Variants in PCDHGB2 observed in about 807,000 individuals in gnomAD.
PCDHGB2 encodes protocadherin gamma-B2.
In PCDHGB2, 55 loss-of-function variants were observed where a neutral mutation model predicts 59.3. That is an observed-to-expected ratio of 0.93 (90% confidence interval 0.75 to 1.16). The LOEUF is 1.16. Among genes scored for constraint, PCDHGB2 ranks in the 50% most tolerant of loss-of-function variants. The pLI, the probability that PCDHGB2 is intolerant of heterozygous loss-of-function variation, is 0.00. For missense variants in PCDHGB2, 1,228 were observed against 1,198.5 expected (o/e 1.02, Z -0.36); for synonymous variants, 516 against 512.0 (o/e 1.01, Z -0.11).
At position 141,432,871 on chromosome 5, in the gene PCDHGB2, C is replaced by T. The variant is rs1190891661; in HGVS notation, c.2422-61936C>T. On this transcript the variant is annotated intron_variant, in intron 1 of 3. Transcript: ENST00000522605. This position sits in a 1 kb window ranked among gnomAD's most constrained non-coding sequence, Gnocchi z 6.0. ...CGGTGGCCGCGGTCTCCTGCGTCTT[C>T]CTGGCCTTCGTCATCTTGCTGCTGG... 1 of 1,614,216 alleles carries T rather than the reference C, an allele frequency of 6.2e-7. No homozygotes were observed. Among genetic ancestry groups the T allele is most frequent in the Non-Finnish European group, 8.5e-7 (1 of 1,180,018 alleles).
chr5:141,451,009 T>C (rs1437016950), intron 1 of PCDHGB2, among the ~76,000 whole-genome samples: 1 of 151,566 alleles, frequency 6.6e-6, no homozygotes, highest in East Asian at 1.9e-4. Context: ...GTATTTTTTT[T>C]AGTAGAGACG....
At chr5:141,389,235 TCA>T (rs2091656158) in intron 1 of PCDHGB2, 4 of 1,614,080 alleles carry the variant, frequency 2.5e-6, no homozygotes, top group Non-Finnish European at 2.5e-6. Flanking sequence ...TCCGGTTTTC[TCA>T]CAGTCTTCCT....
At position 141,457,403 on chromosome 5, in the gene PCDHGB2, C is replaced by A. The variant is rs550748216; in HGVS notation, c.2422-37404C>A. On this transcript the variant is annotated intron_variant, in intron 1 of 3. Transcript: ENST00000522605. ...GAACTAGCATATTGATTCACATTTT[C>A]ACATTACCCATCCCTTTTTCCCCCC... Among the ~76,000 whole-genome samples, 4 of 152,328 alleles carry A rather than the reference C, an allele frequency of 2.6e-5. No homozygotes were observed. In the East Asian group the frequency reaches 7.7e-4, roughly 29 times the overall value.
intron 1 of PCDHGB2, among the ~76,000 whole-genome samples, chr5:141,450,047 C>T (rs2098667027): frequency 2.2e-5 from 3 of 136,836 alleles, no homozygotes; most frequent in African/African-American, 8.5e-5. Flanking sequence ...CACTCTTTCG[C>T]CCAGGCTGGA....
At chr5:141,371,984 C>G (rs761389914) in intron 1 of PCDHGB2, 4 of 1,613,266 alleles carry the variant, frequency 2.5e-6, no homozygotes, top group Non-Finnish European at 2.5e-6. Context: ...CCTTCGAGCT[C>G]ACTCTGCAGG....
At chr5:141,389,600 C>T (rs748837518) in intron 1 of PCDHGB2, 28 of 1,613,080 alleles carry the variant, frequency 1.7e-5, no homozygotes, top group Non-Finnish European at 2.3e-5. Flanking sequence ...GCTCTGCGCT[C>T]TTCGATATGG....
chr5:141,421,880 G>A (rs761272704), intron 1 of PCDHGB2: 3 of 1,613,600 alleles, frequency 1.9e-6, no homozygotes, highest in East Asian at 4.5e-5. Flanking sequence ...GCTTTAGATG[G>A]AGGCGATCCC....
chr5:141,455,936 C>T (rs1194722770), intron 1 of PCDHGB2, among the ~76,000 whole-genome samples: 3 of 151,422 alleles, frequency 2.0e-5, no homozygotes, highest in East Asian at 3.9e-4. Flanking sequence ...CTCGCTCTGT[C>T]GCCCAGGCTG....
chr5:141,477,427 C>T lies in PCDHGB2; in HGVS notation c.2422-17380C>T. On this transcript the variant is annotated intron_variant, in intron 1 of 3. Coordinates refer to ENST00000522605, the MANE Select transcript of PCDHGB2 (RefSeq NM_018923.3). The surrounding 1 kb of genome is among the most constrained non-coding windows in gnomAD (Gnocchi z 4.9). ...CCCGAGACGCCGGAACCCCTTCCCT[C>T]TCAGCCCTTACAATAGTGCGTGTTC... The T allele has an allele frequency of 6.2e-7, 1 of 1,614,220 alleles. No homozygotes were observed. The highest frequency in any genetic ancestry group is 8.5e-7 in the Non-Finnish European group (1 of 1,180,046).
In PCDHGB2 at chr5:141,490,925, C is replaced by T; in HGVS notation, c.2422-3882C>T. 1 of 1,613,688 alleles carries T rather than the reference C, an allele frequency of 6.2e-7. No homozygotes were observed. The highest frequency in any genetic ancestry group is 8.5e-7 in the Non-Finnish European group (1 of 1,179,700). On this transcript the variant is annotated intron_variant, in intron 1 of 3. Coordinates refer to ENST00000522605, the MANE Select transcript of PCDHGB2 (RefSeq NM_018923.3). The surrounding 1 kb of genome is among the most constrained non-coding windows in gnomAD (Gnocchi z 5.4). ...GTCCTAGACGAGAATGATAATGCCC[C>T]AGCTGTGCTGCACCCACGGCCAGAC... is the stretch of plus-strand genomic sequence containing the variant.
intron 1 of PCDHGB2, chr5:141,412,947 C>A (rs930035804): frequency 2.1e-6 from 1 of 474,890 alleles, no homozygotes; most frequent in African/African-American, 2.0e-5. Flanking sequence ...CTCTGAGCGC[C>A]GCTGTTCACC....
In PCDHGB2 at chr5:141,476,065, G is replaced by T; in HGVS notation, c.2422-18742G>T. ...GCTAACCCGCTGAAAGTTTCTCAGC[G>T]AAATCTCAGGGACGATCTGGACCCC... is the stretch of plus-strand genomic sequence containing the variant. On this transcript the variant is annotated intron_variant, in intron 1 of 3. Coordinates refer to ENST00000522605, the MANE Select transcript of PCDHGB2 (RefSeq NM_018923.3). This position sits in a 1 kb window ranked among gnomAD's most constrained non-coding sequence, Gnocchi z 7.6. 6.6e-7 allele frequency: 1 copy of T among 1,511,444 alleles called. No homozygotes were observed. The highest frequency in any genetic ancestry group is 1.3e-5 in the South Asian group (1 of 76,164). The allele number at this position is 1,511,444 out of a possible 1,614,324, so 93.6% of individuals were successfully genotyped here.
chr5:141,418,018 T>C, intron 1 of PCDHGB2: 1 of 1,613,868 alleles, frequency 6.2e-7, no homozygotes, highest in Non-Finnish European at 8.5e-7. Flanking sequence ...TCGCTAAGGA[T>C]CTAGGGCTTA....
In PCDHGB2 at chr5:141,360,293, A is replaced by G; in HGVS notation, c.158A>G (p.Asp53Gly). ...TCGGTCGTAGGAAACCTCGCCAAGG[A>G]TCTGGGGCTCAGCGTCCGGGACTTG... ...KNSVVGNLAK[D>G]LGLSVRDLPA... The change falls in exon 1 of 4, where the codon GAT (aspartate) becomes GGT (glycine). Residue 53 changes from aspartate (D) to glycine (G), a missense_variant. Asp to Gly is a moderately conservative substitution (Grantham distance 94). This residue lies in a region of PCDHGB2 where 781 missense variants were observed against 721.6 expected (regional missense o/e 1.08). Coordinates refer to ENST00000522605, the MANE Select transcript of PCDHGB2 (RefSeq NM_018923.3). The G allele has an allele frequency of 6.2e-7, 1 of 1,613,970 alleles. No individual in the cohort carries two copies. The highest frequency in any genetic ancestry group is 8.5e-7 in the Non-Finnish European group (1 of 1,179,884).
At chr5:141,411,982 A>T (rs2154543855) in intron 1 of PCDHGB2, 1 of 152,346 alleles carries the variant, frequency 6.6e-6, no homozygotes, top group East Asian at 1.9e-4. Context: ...AGAGTTCTAT[A>T]CTTGGAAGGC....
At chr5:141,488,134 A>G (rs546928916) in intron 1 of PCDHGB2, among the ~76,000 whole-genome samples, 1 of 152,332 alleles carries the variant, frequency 6.6e-6, no homozygotes, top group African/African-American at 2.4e-5. Flanking sequence ...GAAAGAGGAG[A>G]GAACTAAAGG....
chr5:141,492,616 G>C (rs976681246), intron 1 of PCDHGB2, among the ~76,000 whole-genome samples: 2 of 152,252 alleles, frequency 1.3e-5, no homozygotes, highest in African/African-American at 4.8e-5. Context: ...CTAAGTGCCG[G>C]GCGGGCAGGA....
chr5:141,462,036 G>A (rs760555655), intron 1 of PCDHGB2, among the ~76,000 whole-genome samples: 5 of 151,978 alleles, frequency 3.3e-5, no homozygotes, highest in African/African-American at 7.3e-5. Flanking sequence ...TTGGTCAGGC[G>A]GGTCTTGAAC....
Position 141,486,388 on chromosome 5 carries a change from C to T in PCDHGB2, c.2422-8419C>T, listed in dbSNP as rs2099628930. ...TCAAGTCTGCCTTCAGGAACCAGTT[C>T]TCCCTGGTGACTGCTGGACCCTTGG... On this transcript the variant is annotated intron_variant, in intron 1 of 3. Coordinates refer to ENST00000522605, the MANE Select transcript of PCDHGB2 (RefSeq NM_018923.3). This position sits in a 1 kb window ranked among gnomAD's most constrained non-coding sequence, Gnocchi z 5.0. 2 of 1,613,988 alleles carry T rather than the reference C, an allele frequency of 1.2e-6. No individual in the cohort carries two copies. The highest frequency in any genetic ancestry group is 2.7e-5 in the African/African-American group (2 of 74,924).
Sources: gnomAD v4.1 joint callset for allele counts (sites outside exome capture counted in the v4.1 genomes callset) on GRCh38, gnomAD v4.1.1 for gene constraint, gnomAD v4.1.1 regional missense constraint, Gnocchi (gnomAD v3.1) non-coding constraint, MANE v1.5 for transcripts, NCBI Gene and HGNC (gene_info 2026-07-23, HGNC 2026-07-21) for gene names.